The following TGFBR3 variants were observed in gnomAD, a reference collection of about 807,000 sequenced individuals.
TGFBR3 encodes the protein transforming growth factor beta receptor 3.
Under a neutral mutation model 87.9 loss-of-function variants are expected in TGFBR3, and 46 were observed. The ratio of observed to expected loss-of-function variants is 0.52; its 90% CI spans 0.41 to 0.67. The LOEUF (loss-of-function observed/expected upper bound fraction) is 0.67, where lower values mean the gene tolerates loss of function less well. Ranked by LOEUF, TGFBR3 falls within the 30% of genes least tolerant of loss-of-function variation. The pLI, the probability that TGFBR3 is intolerant of heterozygous loss-of-function variation, is 0.00. For missense variants in TGFBR3, 866 were observed against 1,041.9 expected, an observed-to-expected ratio of 0.83 and a Z score of 2.32; for synonymous variants, 381 against 391.6, an observed-to-expected ratio of 0.97 and a Z score of 0.32.
rs774838846 is a variant in TGFBR3, at chr1:91,680,666, A to G, written c.*3073T>C. 7.9e-5 allele frequency: 36 copies of G among 454,112 alleles called. No homozygotes were observed. The highest frequency in any genetic ancestry group is 1.4e-3 in the Middle Eastern group (2 of 1,444). 28.1% of individuals were successfully genotyped at this position (454,112 alleles called of 1,614,324 possible). The stretch of plus-strand genomic sequence containing the variant: ...CCCCCAGATAAAACAAACATGAAAA[A>G]AATCACATAGGACTCACCCAACAAA... On this transcript the variant is annotated 3_prime_UTR_variant, in exon 17 of 17. Transcript: ENST00000212355.
At chr1:91,785,491 C>G (rs561077307) in intron 3 of TGFBR3, among the ~76,000 whole-genome samples, 1 of 152,114 alleles carries the variant, frequency 6.6e-6, no homozygotes, top group Non-Finnish European at 1.5e-5. Flanking sequence ...CTTTATGGTA[C>G]GTAAATTATA....
chr1:91,858,969 T>A (rs868241722), intron 2 of TGFBR3, among the ~76,000 whole-genome samples: 1 of 151,084 alleles, frequency 6.6e-6, no homozygotes, highest in African/African-American at 2.4e-5. Flanking sequence ...GGCAGGAGAA[T>A]CGCTTGAACC....
intron 2 of TGFBR3, among the ~76,000 whole-genome samples, chr1:91,853,437 G>T (rs947835546): frequency 1.3e-5 from 2 of 151,880 alleles, no homozygotes; most frequent in Non-Finnish European, 2.9e-5. Flanking sequence ...TTGATCACTC[G>T]TTTGGCAGAC....
At chr1:91,728,460 T>TCATC (rs942006180) in intron 6 of TGFBR3, among the ~76,000 whole-genome samples, 10 of 152,174 alleles carry the variant, frequency 6.6e-5, no homozygotes, top group Non-Finnish European at 1.3e-4. Context: ...ACTGGAAAAT[T>TCATC]GATGAACACA....
At chr1:91,869,588 C>T (rs147536701) in intron 1 of TGFBR3, among the ~76,000 whole-genome samples, 50 of 152,314 alleles carry the variant, frequency 3.3e-4, no homozygotes, top group African/African-American at 1.1e-3. Flanking sequence ...CGCTTGAACT[C>T]GGCAGGCAGA....
chr1:91,859,664 G>A (rs569481963), intron 2 of TGFBR3, among the ~76,000 whole-genome samples: 67 of 152,210 alleles, frequency 4.4e-4, no homozygotes, highest in African/African-American at 1.4e-3. Context: ...AGTGGCTCAC[G>A]CCTGTAATCC....
At chr1:91,757,974 T>C (rs548272023) in intron 4 of TGFBR3, among the ~76,000 whole-genome samples, 11 of 152,310 alleles carry the variant, frequency 7.2e-5, no homozygotes, top group South Asian at 6.2e-4. Context: ...TCATCAGACA[T>C]GATATCACAC....
At chr1:91,887,359 C>G (rs1679353826), upstream of TGFBR3, among the ~76,000 whole-genome samples, 1 of 149,126 alleles carries the variant, frequency 6.7e-6, no homozygotes, top group South Asian at 2.2e-4. Context: ...TCAAGCGATT[C>G]TCCCACCTCA....
chr1:91,896,208 G>A (rs1679547733), intron 2 of TGFBR3, among the ~76,000 whole-genome samples: 1 of 152,164 alleles, frequency 6.6e-6, no homozygotes, highest in Non-Finnish European at 1.5e-5. Flanking sequence ...AGGGGCCATG[G>A]CTATCTTAAT....
intron 2 of TGFBR3, among the ~76,000 whole-genome samples, chr1:91,857,575 C>A (rs1472856555): frequency 2.0e-5 from 3 of 152,194 alleles, no homozygotes; most frequent in African/African-American, 7.2e-5. Context: ...TTGGCTTTCA[C>A]TACACATTCA....
upstream of TGFBR3, chr1:91,886,270 G>A (rs576147464): frequency 4.2e-5 from 18 of 426,442 alleles, no homozygotes; most frequent in Non-Finnish European, 8.5e-5. Flanking sequence ...CGGCCCCACC[G>A]GGGGCTCTCG....
chr1:91,848,847 C>T (rs553619479), intron 2 of TGFBR3, among the ~76,000 whole-genome samples: 91 of 152,186 alleles, frequency 6.0e-4, no homozygotes, highest in African/African-American at 2.1e-3. Flanking sequence ...GCTATTAAGA[C>T]GATGATTTTT....
upstream of TGFBR3, among the ~76,000 whole-genome samples, chr1:91,888,469 G>A (rs1254092291): frequency 2.0e-5 from 3 of 152,270 alleles, no homozygotes; most frequent in South Asian, 2.1e-4. Context: ...TTGGGAAGCC[G>A]AGGTGGGTGG....
chr1:91,746,020 CATG>C, intron 4 of TGFBR3, among the ~76,000 whole-genome samples: 1 of 152,288 alleles, frequency 6.6e-6, no homozygotes, highest in South Asian at 2.1e-4. Context: ...TCAAAACATT[CATG>C]ATGATCATCC....
intron 2 of TGFBR3, among the ~76,000 whole-genome samples, chr1:91,809,364 G>C (rs1409090850): frequency 6.6e-6 from 1 of 152,240 alleles, no homozygotes; most frequent in Non-Finnish European, 1.5e-5. Flanking sequence ...TCTGGGCCTG[G>C]TGAGCATTCT....
At chr1:91,773,187 T>G (rs548592635) in intron 3 of TGFBR3, among the ~76,000 whole-genome samples, 1 of 152,080 alleles carries the variant, frequency 6.6e-6, no homozygotes, top group African/African-American at 2.4e-5. Context: ...GAGACCAGCC[T>G]GGCCAACATA....
intron 1 of TGFBR3, among the ~76,000 whole-genome samples, chr1:91,905,561 T>A (rs1325706798): frequency 6.6e-6 from 1 of 151,994 alleles, no homozygotes; most frequent in Non-Finnish European, 1.5e-5. Flanking sequence ...GCCTCCCAAG[T>A]GGCTGGGATT....
Position 91,815,303 on chromosome 1 carries a change from A to ACT in TGFBR3, c.62-17833_62-17832insAG, listed in dbSNP as rs1339075351. ...GGTGACAGAGCAAGACTCCATCTAA[A>ACT]AATAAAATAAAATAAAATAAAATAA... On this transcript the variant is annotated intron_variant, in intron 2 of 16. Coordinates refer to ENST00000212355, the MANE Select transcript of TGFBR3 (RefSeq NM_003243.5). 4.5e-4 allele frequency among the ~76,000 whole-genome samples: 36 copies of ACT among 80,808 alleles called. 1 individual carries two copies. Among genetic ancestry groups the ACT allele is most frequent in the East Asian group, 2.8e-3 (6 of 2,174 alleles). The allele number at this position is 80,808 out of a possible 152,430, so 53.0% of individuals were successfully genotyped here.
intron 10 of TGFBR3, among the ~76,000 whole-genome samples, chr1:91,717,376 GA>G (rs1423362108): frequency 6.6e-6 from 1 of 152,130 alleles, no homozygotes; most frequent in African/African-American, 2.4e-5. Flanking sequence ...TATGGATGTG[GA>G]AAAGAATACG....
Sources: allele counts gnomAD v4.1 joint callset (sites outside exome capture counted in the v4.1 genomes callset), GRCh38; gene constraint gnomAD v4.1.1; transcripts MANE v1.5; gene names NCBI Gene and HGNC (gene_info 2026-07-23, HGNC 2026-07-21).